BST1: variants seen among roughly 807,000 people sequenced by gnomAD.
BST1 encodes ADP-ribosyl cyclase/cyclic ADP-ribose hydrolase 2.
Under a neutral mutation model 40.6 loss-of-function variants are expected in BST1, and 49 were observed. That is an observed-to-expected ratio of 1.21 (90% CI 0.96 to 1.53). The LOEUF (loss-of-function observed/expected upper bound fraction) is 1.53. Ranked by LOEUF, BST1 falls within the 40% of genes most tolerant of loss-of-function variation. The probability of loss-of-function intolerance (pLI) is 0.00; values close to 1 mark genes in which losing one functional copy is unlikely to be tolerated. For missense variants in BST1, 423 were observed against 395.9 expected (o/e 1.07, Z -0.58); for synonymous variants, 157 against 159.3 (o/e 0.99, Z 0.11).
At chr4:15,705,219 T>C (rs1560275943) in intron 1 of BST1, among the ~76,000 whole-genome samples, 3 of 151,878 alleles carry the variant, frequency 2.0e-5, no homozygotes, top group African/African-American at 7.3e-5. Context: ...TGCTGTATAG[T>C]TGACTGAATT....
downstream of BST1, among the ~76,000 whole-genome samples, chr4:15,742,371 C>T (rs1270767029): frequency 6.6e-6 from 1 of 152,130 alleles, no homozygotes; most frequent in Non-Finnish European, 1.5e-5. Context: ...CACCTGTCTC[C>T]CTCCCTCCTT....
intron 8 of BST1, among the ~76,000 whole-genome samples, chr4:15,727,783 T>C (rs1721189866): frequency 6.6e-6 from 1 of 152,070 alleles, no homozygotes; most frequent in Non-Finnish European, 1.5e-5. Flanking sequence ...TGATTTGAAA[T>C]GCACATACAG....
At chr4:15,703,806 G>C (rs1397143955) in intron 1 of BST1, among the ~76,000 whole-genome samples, 1 of 145,838 alleles carries the variant, frequency 6.9e-6, no homozygotes, top group Non-Finnish European at 1.5e-5. Context: ...GAGGTAAGGG[G>C]TGTGTGTGTT....
chr4:15,713,206 CTTTTTTTTTTTTT>C (rs34681185), intron 4 of BST1, among the ~76,000 whole-genome samples: 1 of 114,744 alleles, frequency 8.7e-6, no homozygotes, highest in African/African-American at 3.3e-5. Flanking sequence ...ATATTTTCAT[CTTTTTTTTTTTTT>C]TTTTTTTTGA....
At chr4:15,753,639 G>C in the BST1 span, among the ~76,000 whole-genome samples, 1 of 152,226 alleles carries the variant, frequency 6.6e-6, no homozygotes, top group African/African-American at 2.4e-5. Context: ...GGCACAGCTG[G>C]AGGTTCGCAG....
chr4:15,770,163 T>G, the BST1 span, among the ~76,000 whole-genome samples: 11 of 151,936 alleles, frequency 7.2e-5, no homozygotes, highest in African/African-American at 1.2e-4. Context: ...TTTTTTTACT[T>G]GAATGATTTT....
chr4:15,704,927 A>C (rs1560275782), intron 1 of BST1: 6 of 775,070 alleles, frequency 7.7e-6, no homozygotes, highest in Non-Finnish European at 1.4e-5. Flanking sequence ...CAGGCAAATA[A>C]GAAACAGCAG....
At chr4:15,723,033 T>C in intron 8 of BST1, 99 bp downstream of exon 8, 1 of 1,101,196 alleles carries the variant, frequency 9.1e-7, no homozygotes, top group East Asian at 2.4e-5. Flanking sequence ...CAGAGGCAGA[T>C]GTAAGTGTGC....
the BST1 span, among the ~76,000 whole-genome samples, chr4:15,747,224 G>T: frequency 6.6e-6 from 1 of 152,148 alleles, no homozygotes; most frequent in South Asian, 2.1e-4. Flanking sequence ...GATTGTAAAG[G>T]TCAAGCAATA....
the BST1 span, among the ~76,000 whole-genome samples, chr4:15,768,170 T>C: frequency 6.6e-6 from 1 of 152,220 alleles, no homozygotes; most frequent in Non-Finnish European, 1.5e-5. Context: ...GTGATGCCAC[T>C]GAGATGCTGC....
intron 7 of BST1, among the ~76,000 whole-genome samples, chr4:15,721,135 G>A (rs1449563752): frequency 6.6e-6 from 1 of 152,176 alleles, no homozygotes; most frequent in Non-Finnish European, 1.5e-5. Context: ...TTAGTGTCAG[G>A]AGCAGAGAGG....
At chr4:15,766,319 T>C in the BST1 span, among the ~76,000 whole-genome samples, 1 of 151,830 alleles carries the variant, frequency 6.6e-6, no homozygotes, top group Non-Finnish European at 1.5e-5. Flanking sequence ...GAAAAACAAC[T>C]GGATGAGGGA....
At chr4:15,709,951 T>G (rs1330321667) in intron 3 of BST1, among the ~76,000 whole-genome samples, 1 of 151,860 alleles carries the variant, frequency 6.6e-6, no homozygotes, top group East Asian at 1.9e-4. Context: ...TTTATTTTAT[T>G]TATTTATTTA....
At chr4:15,731,498 G>A (rs1019217899) in intron 8 of BST1, 8 of 1,008,650 alleles carry the variant, frequency 7.9e-6, no homozygotes, top group South Asian at 3.9e-5. Flanking sequence ...TGTCCTTCTG[G>A]GGAGTCATAG....
At chr4:15,721,263 C>T (rs1005139686) in intron 7 of BST1, among the ~76,000 whole-genome samples, 18 of 152,234 alleles carry the variant, frequency 1.2e-4, no homozygotes, top group Admixed American at 2.0e-4. Flanking sequence ...TTCTGCCCCA[C>T]ATCAGTAGAA....
At position 15,731,974 on chromosome 4, in the gene BST1, A is replaced by G; in HGVS notation, c.*129A>G. ...TTTTTGCTGGGAAAACGATGTCCTGAAAATGGTATTTCAATGAGGCATATG... is the reference window on the plus strand; with the variant it reads ...TTTTTGCTGGGAAAACGATGTCCTGGAAATGGTATTTCAATGAGGCATATG... On this transcript the variant is annotated 3_prime_UTR_variant, in exon 9 of 9. Transcript: ENST00000265016. The G allele has an allele frequency of 2.9e-6, 4 of 1,394,396 alleles. No homozygotes were observed. The highest frequency in any genetic ancestry group is 2.8e-6 in the Non-Finnish European group (3 of 1,069,486). The allele number at this position is 1,394,396 out of a possible 1,614,324, so 86.4% of individuals were successfully genotyped here. A position where few individuals can be genotyped will look rare whatever the true frequency, so the allele number is the denominator to read the frequency against.
downstream of BST1, among the ~76,000 whole-genome samples, chr4:15,736,395 A>G (rs148360409): frequency 3.3e-3 from 509 of 152,174 alleles, 6 homozygotes; most frequent in African/African-American, 0.012. Context: ...CAAGGTGGGC[A>G]GATCACTTGA....
At chr4:15,749,245 A>AG in the BST1 span, among the ~76,000 whole-genome samples, 1 of 152,214 alleles carries the variant, frequency 6.6e-6, no homozygotes, top group Non-Finnish European at 1.5e-5. Flanking sequence ...AGGCAGTCAC[A>AG]GGTGCTTCCC....
At chr4:15,757,817 T>C in the BST1 span, among the ~76,000 whole-genome samples, 1 of 152,056 alleles carries the variant, frequency 6.6e-6, no homozygotes, top group Non-Finnish European at 1.5e-5. Flanking sequence ...AATTTTTGTA[T>C]TTTTAGTAGA....
Sources: allele counts gnomAD v4.1 joint callset (sites outside exome capture counted in the v4.1 genomes callset), GRCh38; gene constraint gnomAD v4.1.1; transcripts MANE v1.5; gene names NCBI Gene and HGNC (gene_info 2026-07-23, HGNC 2026-07-21).